The following MYBPC1 variants were observed in gnomAD, a reference collection of about 807,000 sequenced individuals.
MYBPC1 encodes myosin binding protein C1.
A neutral mutation model predicts 147.1 loss-of-function variants in MYBPC1; 52 were observed. The ratio of observed to expected loss-of-function variants is 0.35; its 90% CI spans 0.28 to 0.45. The LOEUF is 0.45. Ranked by LOEUF, MYBPC1 falls within the 20% of genes least tolerant of loss-of-function variation. The pLI, the probability that MYBPC1 is intolerant of heterozygous loss-of-function variation, is 1.00. For synonymous variants in MYBPC1, 477 were observed against 475.9 expected (o/e 1.00, Z -0.03); for missense variants, 1,228 against 1,440.3 (o/e 0.85, Z 2.39).
chr12:101,687,189 CATTAGGT>C (rs1951361406), downstream of MYBPC1, among the ~76,000 whole-genome samples: 1 of 152,052 alleles, frequency 6.6e-6, no homozygotes, highest in Non-Finnish European at 1.5e-5. Context: ...TCATCATTTA[CATTAGGT>C]ATATCGCCTA....
intron 22 of MYBPC1, among the ~76,000 whole-genome samples, chr12:101,667,082 G>C (rs935013107): frequency 1.3e-5 from 2 of 152,080 alleles, no homozygotes; most frequent in African/African-American, 4.8e-5. Context: ...AAATTCTCTC[G>C]ATGTGATACA....
At chr12:101,663,273 C>G (rs1896884822) in intron 21 of MYBPC1, among the ~76,000 whole-genome samples, 153 bp from the exon 22 acceptor site, 1 of 152,208 alleles carries the variant, frequency 6.6e-6, no homozygotes, top group South Asian at 2.1e-4. Context: ...TTGCCTTACA[C>G]ACATCCATGC....
At chr12:101,653,034 C>A in intron 17 of MYBPC1, 81 bp from the exon 18 acceptor site, 1 of 1,529,996 alleles carries the variant, frequency 6.5e-7, no homozygotes, top group Non-Finnish European at 9.0e-7. Flanking sequence ...TTGGTTACTA[C>A]CATCATACTA....
intron 25 of MYBPC1, among the ~76,000 whole-genome samples, chr12:101,674,204 T>C (rs760697077): frequency 1.1e-4 from 17 of 152,250 alleles, no homozygotes; most frequent in Non-Finnish European, 5.9e-5. Flanking sequence ...ATAACCCAGC[T>C]GTCTCTTTCT....
downstream of MYBPC1, among the ~76,000 whole-genome samples, chr12:101,688,963 A>G (rs1594111340): frequency 7.8e-6 from 1 of 128,040 alleles, no homozygotes; most frequent in Admixed American, 8.2e-5. Context: ...CAAAAAAAAA[A>G]AAAAAGAAAA....
intron 8 of MYBPC1, among the ~76,000 whole-genome samples, chr12:101,633,580 G>A (rs1890357431): frequency 6.6e-6 from 1 of 151,806 alleles, no homozygotes; most frequent in Non-Finnish European, 1.5e-5. Flanking sequence ...CCAGCTGCTT[G>A]GGAGGCTGAG....
At chr12:101,602,500 AG>A (rs1430172100) in intron 1 of MYBPC1, among the ~76,000 whole-genome samples, 1 of 152,218 alleles carries the variant, frequency 6.6e-6, no homozygotes, top group African/African-American at 2.4e-5. Flanking sequence ...TACAGGCATG[AG>A]CCACCATGCC....
chr12:101,631,011 G>A (rs903808775), intron 6 of MYBPC1, among the ~76,000 whole-genome samples: 2 of 152,136 alleles, frequency 1.3e-5, no homozygotes, highest in Non-Finnish European at 2.9e-5. Flanking sequence ...GAAATGCTGG[G>A]CTGGAAGCTG....
intron 22 of MYBPC1, among the ~76,000 whole-genome samples, chr12:101,664,955 G>C (rs1182699369): frequency 6.6e-5 from 10 of 152,138 alleles, no homozygotes; most frequent in Admixed American, 6.5e-4. Flanking sequence ...GTATTGTCCA[G>C]CCAGCAGAAT....
At chr12:101,597,046 TGA>T (rs1877543540) in intron 1 of MYBPC1, among the ~76,000 whole-genome samples, 5 of 152,246 alleles carry the variant, frequency 3.3e-5, no homozygotes, top group Non-Finnish European at 5.9e-5. Context: ...AACTGTACCT[TGA>T]AAAGCTTTCC....
intron 30 of MYBPC1, 123 bp from the exon 31 acceptor site, chr12:101,684,259 A>G: frequency 1.2e-6 from 1 of 803,950 alleles, no homozygotes; most frequent in Non-Finnish European, 2.2e-6. Flanking sequence ...ATGACTAAGG[A>G]TTAATGAAAT....
At chr12:101,642,306 C>A (rs994639650) in intron 10 of MYBPC1, 113 bp from the exon 11 acceptor site, 1 of 1,148,850 alleles carries the variant, frequency 8.7e-7, no homozygotes, top group Non-Finnish European at 1.3e-6. Context: ...AGTACTCAGG[C>A]TTTAAACAGA....
intron 9 of MYBPC1, among the ~76,000 whole-genome samples, chr12:101,636,424 T>C (rs1890997794): frequency 6.6e-6 from 1 of 152,234 alleles, no homozygotes; most frequent in South Asian, 2.1e-4. Context: ...AGCAGTTTTA[T>C]ATATGCAATC....
At chr12:101,642,823 GA>G (rs1565943898) in intron 11 of MYBPC1, among the ~76,000 whole-genome samples, 1 of 152,106 alleles carries the variant, frequency 6.6e-6, no homozygotes, top group Non-Finnish European at 1.5e-5. Context: ...CGGTTACTGG[GA>G]ATTTCTCAGC....
At chr12:101,659,487 T>C (rs1174480342) in intron 18 of MYBPC1, among the ~76,000 whole-genome samples, 185 bp from the exon 19 acceptor site, 2 of 152,132 alleles carry the variant, frequency 1.3e-5, no homozygotes, top group African/African-American at 4.8e-5. Context: ...GGGGGAGAAT[T>C]AAACTGAGAA....
chr12:101,687,157 T>C (rs1243675394), downstream of MYBPC1, among the ~76,000 whole-genome samples: 1 of 152,136 alleles, frequency 6.6e-6, no homozygotes, highest in Non-Finnish European at 1.5e-5. Flanking sequence ...ATGTGCCATG[T>C]TGGTGTGCTG....
intron 10 of MYBPC1, 46 bp downstream of exon 10, chr12:101,636,774 T>C: frequency 6.7e-7 from 1 of 1,498,152 alleles, no homozygotes. Context: ...TGGAAGTCTT[T>C]CAGACACCCA....
chr12:101,664,153 T>A (rs1897047580), intron 22 of MYBPC1, among the ~76,000 whole-genome samples: 1 of 152,094 alleles, frequency 6.6e-6, no homozygotes, highest in Admixed American at 6.5e-5. Context: ...CTGTAATCAG[T>A]TTAATTTAGG....
intron 15 of MYBPC1, chr12:101,650,972 G>C (rs1894316292): frequency 2.2e-6 from 1 of 464,246 alleles, no homozygotes; most frequent in African/African-American, 2.0e-5. Context: ...TTTGAGGTGT[G>C]AGTCTGCAGA....
Sources: allele counts gnomAD v4.1 joint callset (sites outside exome capture counted in the v4.1 genomes callset), GRCh38; gene constraint gnomAD v4.1.1; transcripts MANE v1.5; gene names NCBI Gene and HGNC (gene_info 2026-07-23, HGNC 2026-07-21).